TRIO: variants seen among roughly 807,000 people sequenced by gnomAD.
TRIO encodes trio Rho guanine nucleotide exchange factor.
In TRIO, 58 loss-of-function variants were observed where a neutral mutation model predicts 351.9. The ratio of observed to expected loss-of-function variants is 0.16; its 90% CI spans 0.13 to 0.21. The LOEUF is 0.21. TRIO is among the 10% of genes least tolerant of loss of function. The probability of loss-of-function intolerance (pLI) is 1.00; values close to 1 mark genes in which losing one functional copy is unlikely to be tolerated. For synonymous variants in TRIO, 1,758 were observed against 1,595.7 expected (o/e 1.10, Z -2.42); for missense variants, 3,201 against 4,027.8 (o/e 0.79, Z 5.56).
chr5:14,488,301 C>CTCTG, intron 48 of TRIO, 41 bp downstream of exon 48: 1 of 1,518,468 alleles, frequency 6.6e-7, no homozygotes. Flanking sequence ...GCCCCCCTGC[C>CTCTG]TCTGTCCCGC....
chr5:14,194,875 A>T (rs1204066983), intron 1 of TRIO, among the ~76,000 whole-genome samples: 1 of 152,178 alleles, frequency 6.6e-6, no homozygotes, highest in Non-Finnish European at 1.5e-5. Context: ...TTACATGTTA[A>T]TATTTTGCCG....
intron 11 of TRIO, among the ~76,000 whole-genome samples, chr5:14,343,005 C>T (rs1561365375): frequency 6.7e-6 from 1 of 149,854 alleles, no homozygotes; most frequent in Non-Finnish European, 1.5e-5. Context: ...TTTGTACCTC[C>T]AAAGATGTCA....
intron 16 of TRIO, 133 bp from the exon 17 acceptor site, chr5:14,368,575 G>A: frequency 2.2e-6 from 2 of 913,680 alleles, no homozygotes; most frequent in Admixed American, 3.0e-5. Context: ...GCTTTTAGAA[G>A]CATCCTAGTG....
chr5:14,229,133 T>G (rs1793238012), intron 1 of TRIO, among the ~76,000 whole-genome samples: 1 of 152,176 alleles, frequency 6.6e-6, no homozygotes, highest in African/African-American at 2.4e-5. Flanking sequence ...AAGATACAAC[T>G]AAAACACACC....
intron 1 of TRIO, among the ~76,000 whole-genome samples, chr5:14,170,289 A>G (rs1241076194): frequency 1.3e-5 from 2 of 152,176 alleles, no homozygotes; most frequent in Non-Finnish European, 2.9e-5. Flanking sequence ...TAAAAAATTC[A>G]ATGGAGAGAT....
intron 37 of TRIO, among the ~76,000 whole-genome samples, 154 bp from the exon 38 acceptor site, chr5:14,471,164 G>A (rs888044332): frequency 1.3e-5 from 2 of 151,646 alleles, no homozygotes; most frequent in Non-Finnish European, 1.5e-5. Context: ...TGGGTTTTTT[G>A]TGTTATTAAA....
chr5:14,444,471 G>C (rs1752293742), intron 34 of TRIO, among the ~76,000 whole-genome samples: 1 of 152,186 alleles, frequency 6.6e-6, no homozygotes, highest in Non-Finnish European at 1.5e-5. Flanking sequence ...TGCAGTATAG[G>C]ATAGTGGGAA....
intron 5 of TRIO, among the ~76,000 whole-genome samples, chr5:14,291,788 T>TAAAAAAA (rs57424190): frequency 0.011 from 1,072 of 100,764 alleles, 39 homozygotes; most frequent in Non-Finnish European, 0.015. Flanking sequence ...GACTCCGTCT[T>TAAAAAAA]AAAAAAAAAA....
chr5:14,305,806 A>G lies in TRIO; in HGVS notation c.1500+1214A>G, dbSNP rs545969790. On this transcript the variant is annotated intron_variant, in intron 8 of 56. Coordinates refer to ENST00000344204, the MANE Select transcript of TRIO (RefSeq NM_007118.4). ...TGCTACAGTTTTGTGTCTCATAAAG[A>G]TGTTTTGGTCAGTGATGGACTGCAA... 2.6e-5 allele frequency among the ~76,000 whole-genome samples: 4 copies of G among 152,340 alleles called. No individual in the cohort carries two copies. In the South Asian group the frequency reaches 6.2e-4, roughly 24 times the overall value.
At position 14,390,345 on chromosome 5, in the gene TRIO, C is replaced by T. The variant is rs769216869; in HGVS notation, c.4128+45C>T. On this transcript the variant is annotated intron_variant, in intron 26 of 56. Transcript: ENST00000344204. ...TTGTTCTCTCCCAGCTATTAGGTGA[C>T]GTTGAAGGAAGTTAGGAGGGATGGT... 34 of 1,581,868 alleles carry T rather than the reference C, an allele frequency of 2.1e-5. 1 individual carries two copies. The Middle Eastern group carries it at 2.8e-3, about 131-fold the overall frequency.
At chr5:14,377,854 G>A (rs1745705538) in intron 19 of TRIO, among the ~76,000 whole-genome samples, 158 bp from the exon 20 acceptor site, 1 of 152,154 alleles carries the variant, frequency 6.6e-6, no homozygotes, top group African/African-American at 2.4e-5. Flanking sequence ...AGGTCTGGTA[G>A]ACATGCTCAC....
At position 14,508,474 on chromosome 5, in the gene TRIO, T is replaced by C; in HGVS notation, c.*52T>C. 1 of 1,531,424 alleles carries C rather than the reference T, an allele frequency of 6.5e-7. No individual in the cohort carries two copies. Among genetic ancestry groups the C allele is most frequent in the East Asian group, 2.3e-5 (1 of 44,210 alleles). 94.9% of individuals were successfully genotyped at this position (1,531,424 alleles called of 1,614,324 possible). On this transcript the variant is annotated 3_prime_UTR_variant, in exon 57 of 57. Coordinates refer to ENST00000344204, the MANE Select transcript of TRIO (RefSeq NM_007118.4). ...CTTTCACCTGCCAATCAGCTGTTAA[T>C]CTGAATTTTCAAGAGAAAACAAGCA... is the stretch of plus-strand genomic sequence containing the variant.
intron 18 of TRIO, among the ~76,000 whole-genome samples, chr5:14,370,858 T>C (rs1007212739): frequency 6.6e-6 from 1 of 152,198 alleles, no homozygotes. Context: ...AGGATCTGTT[T>C]AGTATGAAAG....
At chr5:14,156,943 A>G (rs1273206055) in intron 1 of TRIO, among the ~76,000 whole-genome samples, 1 of 152,226 alleles carries the variant, frequency 6.6e-6, no homozygotes, top group Non-Finnish European at 1.5e-5. Flanking sequence ...AGAAAGGGAG[A>G]TTAATTTCAT....
chr5:14,239,546 T>C (rs1794002114), intron 1 of TRIO, among the ~76,000 whole-genome samples: 1 of 152,220 alleles, frequency 6.6e-6, no homozygotes, highest in Non-Finnish European at 1.5e-5. Flanking sequence ...ACTGATTCCC[T>C]GTTTGATCCT....
intron 11 of TRIO, among the ~76,000 whole-genome samples, chr5:14,352,923 A>G (rs945918713): frequency 2.6e-5 from 4 of 151,986 alleles, no homozygotes; most frequent in Non-Finnish European, 5.9e-5. Context: ...GGAAGGGAAA[A>G]CGTTTGACCC....
At chr5:14,476,475 C>T (rs889818662) in intron 40 of TRIO, among the ~76,000 whole-genome samples, 16 of 152,180 alleles carry the variant, frequency 1.1e-4, no homozygotes, top group African/African-American at 3.4e-4. Flanking sequence ...TTCACAGTTG[C>T]TCATGTCAGA....
At chr5:14,249,039 C>T (rs1794598922) in intron 1 of TRIO, among the ~76,000 whole-genome samples, 1 of 152,198 alleles carries the variant, frequency 6.6e-6, no homozygotes, top group South Asian at 2.1e-4. Context: ...GTACATAGTT[C>T]CTGCCTGAGG....
intron 1 of TRIO, among the ~76,000 whole-genome samples, chr5:14,245,709 A>C (rs1285308034): frequency 6.6e-6 from 1 of 152,212 alleles, no homozygotes; most frequent in Non-Finnish European, 1.5e-5. Flanking sequence ...CCACCTGTGC[A>C]CACAGAGGTC....
Sources: allele counts gnomAD v4.1 joint callset (sites outside exome capture counted in the v4.1 genomes callset), GRCh38; gene constraint gnomAD v4.1.1; transcripts MANE v1.5; gene names NCBI Gene and HGNC (gene_info 2026-07-23, HGNC 2026-07-21).